Variants in TTC28 observed in about 807,000 individuals in gnomAD.
TTC28 encodes the protein tetratricopeptide repeat domain 28.
In TTC28, 61 loss-of-function variants were observed where a neutral mutation model predicts 198.0. That is an observed-to-expected ratio of 0.31 (90% CI 0.25 to 0.38). The LOEUF (loss-of-function observed/expected upper bound fraction) is 0.38, where lower values mean the gene tolerates loss of function less well. TTC28 is among the 10% of genes least tolerant of loss of function. The pLI is 1.00. For missense variants in TTC28, 2,678 were observed against 3,164.0 expected (o/e 0.85, Z 3.69); for synonymous variants, 1,171 against 1,297.8 (o/e 0.90, Z 2.10).
chr22:28,271,710 T>G (rs1932087795), intron 5 of TTC28, among the ~76,000 whole-genome samples: 1 of 152,126 alleles, frequency 6.6e-6, no homozygotes, highest in African/African-American at 2.4e-5. Context: ...GTTCAAACAA[T>G]TCTCCAGCCT....
chr22:28,294,713 C>T (rs1601592356), intron 5 of TTC28, among the ~76,000 whole-genome samples: 2 of 152,208 alleles, frequency 1.3e-5, no homozygotes, highest in East Asian at 1.9e-4. Flanking sequence ...GGATTACAGG[C>T]ACCCGCCACC....
chr22:27,996,099 A>G (rs2146533799), intron 17 of TTC28, 36 bp downstream of exon 17: 1 of 1,533,248 alleles, frequency 6.5e-7, no homozygotes, highest in Non-Finnish European at 8.8e-7. Flanking sequence ...CAGCACTGCC[A>G]GCTCTCGTTG....
chr22:28,093,108 G>A (rs1941862127), intron 12 of TTC28, among the ~76,000 whole-genome samples: 1 of 152,202 alleles, frequency 6.6e-6, no homozygotes, highest in African/African-American at 2.4e-5. Flanking sequence ...GGTTGGACTA[G>A]ATGACTACTA....
intron 2 of TTC28, among the ~76,000 whole-genome samples, chr22:28,595,261 T>C (rs1416064445): frequency 6.6e-6 from 1 of 152,192 alleles, no homozygotes; most frequent in Non-Finnish European, 1.5e-5. Flanking sequence ...TACCACCATC[T>C]TTTTGTAGAA....
intron 13 of TTC28, among the ~76,000 whole-genome samples, chr22:28,025,555 T>TAA (rs1323137704): frequency 2.0e-5 from 3 of 152,108 alleles, no homozygotes; most frequent in African/African-American, 7.2e-5. Flanking sequence ...CGTACAGCCC[T>TAA]AAAGCAGGGT....
At chr22:28,192,942 G>A (rs1244080420) in intron 5 of TTC28, among the ~76,000 whole-genome samples, 11 of 152,168 alleles carry the variant, frequency 7.2e-5, no homozygotes, top group South Asian at 6.2e-4. Context: ...TACACAGAAC[G>A]CCACAAAGAT....
intron 6 of TTC28, among the ~76,000 whole-genome samples, chr22:28,118,842 CT>C (rs1942709441): frequency 6.6e-6 from 1 of 152,074 alleles, no homozygotes; most frequent in Non-Finnish European, 1.5e-5. Context: ...CATGTTTGGG[CT>C]CTTTGATCTT....
rs1007850687 is a variant in TTC28 at position 27,989,975 on chromosome 22, G to A, written c.5610C>T (p.Gly1870=). Residue 1870 remains glycine, a synonymous_variant, in exon 21 of 23, where the codon GGC becomes GGT. Transcript: ENST00000397906. ...LHQVLVQLQA[G]EKEQDLASAP... is the part of the protein sequence containing the mutation. ...CTGATGCCAAGTCCTGCTCCTTCTC[G>A]CCAGCCTGGAGCTGAACCAGCACCT... 2.4e-5 allele frequency: 37 copies of A among 1,550,994 alleles called. No individual in the cohort carries two copies. Among genetic ancestry groups the A allele is most frequent in the East Asian group, 9.8e-5 (4 of 40,928 alleles).
intron 2 of TTC28, among the ~76,000 whole-genome samples, chr22:28,446,617 T>C (rs1016253317): frequency 1.3e-5 from 2 of 152,126 alleles, no homozygotes; most frequent in African/African-American, 4.8e-5. Context: ...CATCTCCCCT[T>C]TTGCCTTGGA....
At chr22:28,352,333 A>ATATATATATATATATATATATATATATC (rs2046011137) in intron 2 of TTC28, among the ~76,000 whole-genome samples, 1 of 141,494 alleles carries the variant, frequency 7.1e-6, no homozygotes, top group African/African-American at 2.6e-5. Flanking sequence ...ATATATATAT[A>ATATATATATATATATATATATATATATC]TATCTCCCGG....
intron 18 of TTC28, 61 bp from the exon 19 acceptor site, chr22:27,992,724 A>G (rs1160739273): frequency 6.7e-7 from 1 of 1,494,260 alleles, no homozygotes; most frequent in African/African-American, 1.4e-5. Context: ...AAAGCCTGCC[A>G]CCTTCCCAGG....
chr22:28,288,150 T>C (rs1162746859), intron 5 of TTC28, among the ~76,000 whole-genome samples: 2 of 152,156 alleles, frequency 1.3e-5, no homozygotes, highest in Non-Finnish European at 2.9e-5. Flanking sequence ...TCAAGCACTT[T>C]ATATGAACTA....
At chr22:28,042,072 A>G (rs1027746996) in intron 12 of TTC28, among the ~76,000 whole-genome samples, 1 of 152,226 alleles carries the variant, frequency 6.6e-6, no homozygotes, top group South Asian at 2.1e-4. Context: ...TTAAAAAGTC[A>G]GGAAACAACA....
At chr22:28,602,163 A>C (rs2050650158) in intron 2 of TTC28, among the ~76,000 whole-genome samples, 1 of 152,200 alleles carries the variant, frequency 6.6e-6, no homozygotes, top group African/African-American at 2.4e-5. Flanking sequence ...GTCAAAGGTC[A>C]AGGCACCAAA....
intron 2 of TTC28, among the ~76,000 whole-genome samples, chr22:28,602,982 C>A (rs1191682250): frequency 1.3e-5 from 2 of 152,106 alleles, no homozygotes; most frequent in African/African-American, 4.8e-5. Context: ...CGGGTTCCAG[C>A]GATTCTCCTG....
chr22:28,440,447 TA>T (rs1477507099), intron 2 of TTC28, among the ~76,000 whole-genome samples: 2 of 152,180 alleles, frequency 1.3e-5, no homozygotes, highest in African/African-American at 4.8e-5. Flanking sequence ...CGTTCAATCA[TA>T]TACCCCAGCT....
intron 5 of TTC28, among the ~76,000 whole-genome samples, chr22:28,172,150 G>C (rs963674243): frequency 2.6e-5 from 4 of 152,020 alleles, no homozygotes; most frequent in African/African-American, 9.7e-5. Flanking sequence ...AAACATGCAG[G>C]CTCTTTGACT....
intron 12 of TTC28, among the ~76,000 whole-genome samples, chr22:28,067,491 G>T (rs1940805140): frequency 6.6e-6 from 1 of 152,108 alleles, no homozygotes; most frequent in African/African-American, 2.4e-5. Context: ...AAACTGGGGG[G>T]CAAGCAAACT....
At chr22:28,015,983 TC>T (rs1415883535) in intron 13 of TTC28, among the ~76,000 whole-genome samples, 1 of 152,016 alleles carries the variant, frequency 6.6e-6, no homozygotes, top group Non-Finnish European at 1.5e-5. Context: ...TGATGTGTTT[TC>T]CAGGTAAGGT....
Sources: gnomAD v4.1 joint callset for allele counts (sites outside exome capture counted in the v4.1 genomes callset) on GRCh38, gnomAD v4.1.1 for gene constraint, MANE v1.5 for transcripts, NCBI Gene and HGNC (gene_info 2026-07-23, HGNC 2026-07-21) for gene names.